The following RRBP1 variants were observed in gnomAD, a reference collection of about 807,000 sequenced individuals.
RRBP1 encodes the protein ribosome binding protein 1.
In RRBP1, 94 loss-of-function variants were observed where a neutral mutation model predicts 165.2. The ratio of observed to expected loss-of-function variants is 0.57; its 90% confidence interval spans 0.48 to 0.68. The LOEUF is 0.68. Among genes scored for constraint, RRBP1 ranks in the 30% least tolerant of loss-of-function variants. RRBP1 has a pLI of 0.00. For missense variants in RRBP1, 1,676 were observed against 1,763.0 expected, an observed-to-expected ratio of 0.95 and a Z score of 0.88; for synonymous variants, 680 against 714.5, an observed-to-expected ratio of 0.95 and a Z score of 0.77.
intron 2 of RRBP1, among the ~76,000 whole-genome samples, chr20:17,676,807 G>T (rs2037091033): frequency 6.6e-6 from 1 of 152,152 alleles, no homozygotes; most frequent in Non-Finnish European, 1.5e-5. Context: ...CTGGAGTGTA[G>T]TATGATCTTG....
At chr20:17,616,215 A>C (rs982604096) in intron 21 of RRBP1, among the ~76,000 whole-genome samples, 6 of 152,062 alleles carry the variant, frequency 3.9e-5, no homozygotes, top group African/African-American at 1.4e-4. Flanking sequence ...CTGCAACCTC[A>C]GGGGCCTTTA....
intron 2 of RRBP1, among the ~76,000 whole-genome samples, chr20:17,660,984 G>A (rs908830397): frequency 3.3e-5 from 5 of 151,926 alleles, no homozygotes; most frequent in African/African-American, 1.2e-4. Context: ...CCCTAGAAAT[G>A]TGATTGCTGA....
chr20:17,646,265 T>C (rs981362369), intron 3 of RRBP1, among the ~76,000 whole-genome samples: 5 of 152,224 alleles, frequency 3.3e-5, no homozygotes, highest in African/African-American at 1.2e-4. Context: ...TTTTAAGTGC[T>C]ATCTTCTCAT....
At chr20:17,647,532 G>T (rs973219094) in intron 3 of RRBP1, among the ~76,000 whole-genome samples, 2 of 152,218 alleles carry the variant, frequency 1.3e-5, no homozygotes, top group African/African-American at 4.8e-5. Flanking sequence ...GGGGGATGCG[G>T]CTGGAAGCAG....
Position 17,660,189 on chromosome 20 carries a change from C to A in RRBP1, c.319G>T (p.Val107Leu). The A allele has an allele frequency of 6.2e-7, 1 of 1,614,094 alleles. No homozygotes were observed. Among genetic ancestry groups the A allele is most frequent in the South Asian group, 1.1e-5 (1 of 91,038 alleles). ...GGGGGCTGCACTGGGGTTGGAGCCA[C>A]AGCCACAGCAGGAGCCCGCACTGGT... ...REPVRAPAVA[V>L]APTPVQPPII... Residue 107 changes from valine to leucine, a missense_variant, in exon 3 of 25, where the codon GTG becomes TTG. Transcript: ENST00000377813.
At chr20:17,615,065 G>A (rs979651004) in intron 23 of RRBP1, among the ~76,000 whole-genome samples, 185 bp from the exon 24 acceptor site, 1 of 152,200 alleles carries the variant, frequency 6.6e-6, no homozygotes, top group Non-Finnish European at 1.5e-5. Flanking sequence ...CGTGAGGGCT[G>A]GGTCCTGTGC....
In RRBP1 at chr20:17,633,637, C is replaced by A. The variant is rs748665496; in HGVS notation, c.2457-24G>T. The A allele has an allele frequency of 2.5e-6, 4 of 1,611,322 alleles. No homozygotes were observed. The Admixed American group carries it at 5.0e-5, about 20-fold the overall frequency. ...GCCTGCAAGACAGTCACCAGCCCGA[C>A]TAATGGAAAGAAAAGGGTGATGGGA... On this transcript the variant is annotated intron_variant, in intron 7 of 24. Coordinates refer to ENST00000377813, the MANE Select transcript of RRBP1 (RefSeq NM_001365613.2).
intron 2 of RRBP1, among the ~76,000 whole-genome samples, chr20:17,667,900 A>T (rs573765721): frequency 2.0e-4 from 30 of 152,340 alleles, no homozygotes; most frequent in Middle Eastern, 3.4e-3. Flanking sequence ...TTAACTGAGG[A>T]CAGAATTCCA....
intron 13 of RRBP1, 52 bp from the exon 14 acceptor site, chr20:17,621,999 G>A (rs776507134): frequency 3.1e-5 from 42 of 1,366,862 alleles, no homozygotes; most frequent in Non-Finnish European, 4.3e-5. Flanking sequence ...GAGGTGTGGG[G>A]CACCTCCCCA....
chr20:17,636,864 G>C (rs537713752), intron 5 of RRBP1, 135 bp from the exon 6 acceptor site: 1 of 1,105,242 alleles, frequency 9.0e-7, no homozygotes, highest in Admixed American at 2.3e-5. Flanking sequence ...CGGGTTCTCA[G>C]CTAGACTCAA....
At position 17,654,806 on chromosome 20, in the gene RRBP1, C is replaced by T. The variant is rs2036620214; in HGVS notation, c.1912+3790G>A. Among the ~76,000 whole-genome samples, 3 of 152,318 alleles carry T rather than the reference C, an allele frequency of 2.0e-5. No individual in the cohort carries two copies. In the South Asian group the frequency reaches 6.2e-4, roughly 32 times the overall value. On this transcript the variant is annotated intron_variant, in intron 3 of 24. Coordinates refer to ENST00000377813, the MANE Select transcript of RRBP1 (RefSeq NM_001365613.2). ...TCACCCCCGAACTACTGAGATGAAC[C>T]CACAGGCAGAGGCCTGCGGTGCTGA...
chr20:17,635,436 T>G, intron 7 of RRBP1, 110 bp downstream of exon 7: 1 of 785,416 alleles, frequency 1.3e-6, no homozygotes. Flanking sequence ...TCCGCACACA[T>G]GTAGGGCCCA....
At chr20:17,639,525 G>A (rs1269683266) in intron 5 of RRBP1, among the ~76,000 whole-genome samples, 5 of 152,222 alleles carry the variant, frequency 3.3e-5, no homozygotes, top group Non-Finnish European at 7.3e-5. Context: ...AAGAGGAACT[G>A]CCACACTCTC....
chr20:17,615,469 G>T lies in RRBP1; in HGVS notation c.4012C>A (p.Leu1338Ile). 1 of 1,609,568 alleles carries T rather than the reference G, an allele frequency of 6.2e-7. No homozygotes were observed. ...GCCTCCTCTGTTTCTGAAGACTCTA[G>T]GGGGCCGGCTGTGCGGAGCTTCTCC... ...ELEKLRTAGP[L>I]ESSETEEASQ... The change falls in exon 23 of 25, where the codon CTA becomes ATA. Residue 1338 changes from leucine (L) to isoleucine (I), a missense_variant. Around this residue, in one of 5 missense-constraint regions of RRBP1, gnomAD observed 1,184 missense variants for 1,167.1 expected, o/e 1.01. Transcript: ENST00000377813.
intron 3 of RRBP1, among the ~76,000 whole-genome samples, chr20:17,644,255 G>A (rs1234290694): frequency 6.6e-6 from 1 of 152,178 alleles, no homozygotes; most frequent in Non-Finnish European, 1.5e-5. Flanking sequence ...AGGCTCGGGA[G>A]TTTAAAAATA....
chr20:17,665,795 T>C (rs2036857885), intron 2 of RRBP1, among the ~76,000 whole-genome samples: 1 of 152,238 alleles, frequency 6.6e-6, no homozygotes, highest in Non-Finnish European at 1.5e-5. Context: ...AGAAGTCATT[T>C]TACTGTTTAT....
At chr20:17,645,270 C>G (rs371568492) in intron 3 of RRBP1, among the ~76,000 whole-genome samples, 29 of 152,396 alleles carry the variant, frequency 1.9e-4, no homozygotes, top group African/African-American at 7.0e-4. Context: ...GCCGCAGGCT[C>G]AGTCCACAGA....
intron 2 of RRBP1, among the ~76,000 whole-genome samples, chr20:17,675,566 C>A (rs2069314471): frequency 6.6e-6 from 1 of 152,050 alleles, no homozygotes; most frequent in Non-Finnish European, 1.5e-5. Context: ...GGTGGGAGAG[C>A]GTCAGAGGCT....
intron 1 of RRBP1, among the ~76,000 whole-genome samples, chr20:17,681,206 G>GCGGGC (rs2037176713): frequency 6.7e-6 from 1 of 148,788 alleles, no homozygotes; most frequent in Non-Finnish European, 1.5e-5. Flanking sequence ...CGCGGGCGGG[G>GCGGGC]CGGGCCGGGC....
Sources: gnomAD v4.1 joint callset for allele counts (sites outside exome capture counted in the v4.1 genomes callset) on GRCh38, gnomAD v4.1.1 for gene constraint, gnomAD v4.1.1 regional missense constraint, MANE v1.5 for transcripts, NCBI Gene and HGNC (gene_info 2026-07-23, HGNC 2026-07-21) for gene names.